COQ8A: variants seen among roughly 807,000 people sequenced by gnomAD.
COQ8A encodes the protein coenzyme Q8A.
A neutral mutation model predicts 65.0 loss-of-function variants in COQ8A; 51 were observed. The observed-to-expected ratio is 0.78, with a 90% CI of 0.63 to 0.99. The LOEUF is 0.99. COQ8A is among the 50% of genes least tolerant of loss of function. The pLI is 0.00. For missense variants in COQ8A, 940 were observed against 875.0 expected (o/e 1.07, Z -0.94); for synonymous variants, 371 against 353.2 (o/e 1.05, Z -0.57).
At chr1:226,976,247 T>C (rs1659208025) in intron 4 of COQ8A, among the ~76,000 whole-genome samples, 1 of 125,546 alleles carries the variant, frequency 8.0e-6, no homozygotes, top group African/African-American at 3.1e-5. Context: ...TGCGGGGCTG[T>C]GGGACTGCGA....
At chr1:226,966,727 C>T (rs943515474) in intron 4 of COQ8A, among the ~76,000 whole-genome samples, 6 of 151,956 alleles carry the variant, frequency 3.9e-5, no homozygotes, top group African/African-American at 1.2e-4. Flanking sequence ...TCCCATACAC[C>T]ATCCATCATA....
chr1:226,978,543 C>T (rs1220032924), intron 5 of COQ8A, among the ~76,000 whole-genome samples: 1 of 114,122 alleles, frequency 8.8e-6, no homozygotes, highest in East Asian at 2.2e-4. Context: ...CACCTCCTTA[C>T]CCTCCACACA....
intron 2 of COQ8A, among the ~76,000 whole-genome samples, chr1:226,962,514 C>T (rs1888828): frequency 0.9 from 137,107 of 152,276 alleles, 61,790 homozygotes; most frequent in African/African-American, 0.91. Flanking sequence ...GTGCCTGTTG[C>T]GCGTGTGCAC....
At chr1:226,964,727 G>A (rs1391508094) in intron 2 of COQ8A, among the ~76,000 whole-genome samples, 1 of 152,226 alleles carries the variant, frequency 6.6e-6, no homozygotes, top group Non-Finnish European at 1.5e-5. Context: ...CGGGCGTAGT[G>A]TGCACTTGGC....
rs200182503 is a variant in COQ8A, at chr1:226,965,224, C to T, written c.402C>T (p.Ala134=). 1 of 1,613,912 alleles carries T rather than the reference C, an allele frequency of 6.2e-7. No individual in the cohort carries two copies. The highest frequency in any genetic ancestry group is 2.2e-5 in the East Asian group (1 of 44,886). ...GAGAAGCCGGGTTCCCCGGCCAGGC[C>T]TCCTCCCCTCTGGGCAGGGCCAACG... is the stretch of plus-strand genomic sequence containing the variant. The part of the protein sequence containing the change: ...PFREAGFPGQ[A]SSPLGRANGR... The change falls in exon 3 of 15, where the codon GCC becomes GCT. Residue 134 remains alanine, a synonymous_variant. Coordinates refer to ENST00000366777, the MANE Select transcript of COQ8A (RefSeq NM_020247.5).
intron 1 of COQ8A, among the ~76,000 whole-genome samples, chr1:226,950,883 G>A (rs1043438805): frequency 6.6e-6 from 1 of 152,184 alleles, no homozygotes; most frequent in African/African-American, 2.4e-5. Flanking sequence ...CCAGTAGTCT[G>A]GGAGCAACTT....
At chr1:226,968,688 G>C (rs1279541978) in intron 4 of COQ8A, among the ~76,000 whole-genome samples, 1 of 152,148 alleles carries the variant, frequency 6.6e-6, no homozygotes, top group East Asian at 1.9e-4. Context: ...CTGCTGCAGG[G>C]ACCCAGACGG....
rs1413612562 is a variant in COQ8A at position 226,941,288 on chromosome 1, T to TCAGG, written c.-10+889_-10+890insCAGG. 2.0e-5 allele frequency among the ~76,000 whole-genome samples: 3 copies of TCAGG among 152,266 alleles called. No homozygotes were observed. In the East Asian group the frequency reaches 5.8e-4, roughly 29 times the overall value. ...CTTGGATCTACGTGACAGGATTGAG[T>TCAGG]AGCTGGTCATGCCAGGCCTACCTGA... On this transcript the variant is annotated intron_variant, in intron 1 of 14. Coordinates refer to ENST00000366777, the MANE Select transcript of COQ8A (RefSeq NM_020247.5).
At chr1:226,968,956 C>T (rs964522402) in intron 4 of COQ8A, among the ~76,000 whole-genome samples, 12 of 152,188 alleles carry the variant, frequency 7.9e-5, no homozygotes, top group Non-Finnish European at 1.8e-4. Context: ...ATCATAATAG[C>T]TGTCCTTTGA....
At chr1:226,952,064 T>C (rs959691335) in intron 1 of COQ8A, among the ~76,000 whole-genome samples, 2 of 152,212 alleles carry the variant, frequency 1.3e-5, no homozygotes, top group African/African-American at 4.8e-5. Flanking sequence ...ACCCTTTCAT[T>C]ATTTCCGTCT....
At chr1:226,985,038 C>T in intron 13 of COQ8A, 97 bp downstream of exon 13, 1 of 1,473,662 alleles carries the variant, frequency 6.8e-7, no homozygotes, top group Non-Finnish European at 9.4e-7. Flanking sequence ...GGGTTCCTGC[C>T]CTTGTGTCCC....
intron 3 of COQ8A, 112 bp from the exon 4 acceptor site, chr1:226,965,559 G>A (rs1014233735): frequency 2.7e-5 from 41 of 1,502,912 alleles, no homozygotes; most frequent in Middle Eastern, 1.7e-4. Flanking sequence ...GTGCTGTCAG[G>A]CGGAGCTGCT....
chr1:226,944,724 A>AGT (rs1558176542), intron 1 of COQ8A, among the ~76,000 whole-genome samples: 1 of 31,658 alleles, frequency 3.2e-5, no homozygotes. Flanking sequence ...AGAGAGAGAG[A>AGT]GAGAGAGAGA....
Position 226,957,453 on chromosome 1 carries a change from GGGGAGGAGCT to G in COQ8A, c.-9-3921_-9-3912del, listed in dbSNP as rs1341856533. 7.9e-5 allele frequency among the ~76,000 whole-genome samples: 12 copies of G among 152,320 alleles called. No individual in the cohort carries two copies. In the East Asian group the frequency reaches 2.1e-3, roughly 27 times the overall value. On this transcript the variant is annotated intron_variant, in intron 1 of 14. Transcript: ENST00000366777. ...TTTAGAACAGACACCATGCTTTGCTGGGGAGGAGCTGGTTTATAATGCTGTGCTCTGTATT... is the reference window on the plus strand; with the variant it reads ...TTTAGAACAGACACCATGCTTTGCTGGGTTTATAATGCTGTGCTCTGTATT...
rs2148135701 is a variant in COQ8A, at chr1:226,984,873, C to T, written c.1507-3C>T. On this transcript the variant is annotated splice_polypyrimidine_tract_variant and splice_region_variant and intron_variant, in intron 12 of 14. Coordinates refer to ENST00000366777, the MANE Select transcript of COQ8A (RefSeq NM_020247.5). The stretch of plus-strand genomic sequence containing the variant: ...AAACTTCTCCTGGTGTCTCTGTCCC[C>T]AGGTGGCTCTTTTGGATTTTGGGGC... 1 of 1,614,196 alleles carries T rather than the reference C, an allele frequency of 6.2e-7. No homozygotes were observed. The highest frequency in any genetic ancestry group is 8.5e-7 in the Non-Finnish European group (1 of 1,180,026).
Position 226,986,956 on chromosome 1 carries a change from AG to A in COQ8A, c.*220del, listed in dbSNP as rs1406625214. 3.3e-6 allele frequency: 2 copies of A among 611,746 alleles called. No individual in the cohort carries two copies. The highest frequency in any genetic ancestry group is 5.7e-6 in the Non-Finnish European group (2 of 348,546). 37.9% of individuals were successfully genotyped at this position (611,746 alleles called of 1,614,324 possible). On this transcript the variant is annotated 3_prime_UTR_variant, in exon 15 of 15. Coordinates refer to ENST00000366777, the MANE Select transcript of COQ8A (RefSeq NM_020247.5). ...GAAGATGAAGCCCCACTGCTCGGTCAGTCTGCCTCCGTGTGTCCTCTGAAAT... is the reference window on the plus strand; with the variant it reads ...GAAGATGAAGCCCCACTGCTCGGTCATCTGCCTCCGTGTGTCCTCTGAAAT...
chr1:226,977,338 G>T, intron 4 of COQ8A, 111 bp from the exon 5 acceptor site: 1 of 966,260 alleles, frequency 1.0e-6, no homozygotes, highest in Non-Finnish European at 1.6e-6. Flanking sequence ...GGCAGCGAGG[G>T]CCCCTGGTGC....
chr1:226,971,496 G>C (rs1322423463), intron 4 of COQ8A, among the ~76,000 whole-genome samples: 1 of 151,764 alleles, frequency 6.6e-6, no homozygotes. Flanking sequence ...AGGTTGCAGT[G>C]AGCCAAGATG....
chr1:226,956,424 A>G (rs376191521), intron 1 of COQ8A, among the ~76,000 whole-genome samples: 12 of 84,940 alleles, frequency 1.4e-4, no homozygotes, highest in Admixed American at 5.2e-4. Context: ...GCTCTCCCTG[A>G]TTCACACTCT....
Sources: allele counts gnomAD v4.1 joint callset (sites outside exome capture counted in the v4.1 genomes callset), GRCh38; gene constraint gnomAD v4.1.1; transcripts MANE v1.5; gene names NCBI Gene and HGNC (gene_info 2026-07-23, HGNC 2026-07-21).